The following MYLK variants were observed in gnomAD, a reference collection of about 807,000 sequenced individuals.
MYLK encodes myosin light chain kinase.
In MYLK, 106 loss-of-function variants were observed where a neutral mutation model predicts 203.4. That is an observed-to-expected ratio of 0.52 (90% CI 0.45 to 0.61). The LOEUF (loss-of-function observed/expected upper bound fraction) is 0.61. Ranked by LOEUF, MYLK falls within the 20% of genes least tolerant of loss-of-function variation. The probability of loss-of-function intolerance (pLI) is 0.00; values close to 1 mark genes in which losing one functional copy is unlikely to be tolerated. For missense variants in MYLK, 2,072 were observed against 2,442.3 expected, an observed-to-expected ratio of 0.85 and a Z score of 3.20; for synonymous variants, 867 against 959.5, an observed-to-expected ratio of 0.90 and a Z score of 1.78.
At chr3:123,786,438 T>C (rs909615377) in intron 4 of MYLK, among the ~76,000 whole-genome samples, 2 of 144,466 alleles carry the variant, frequency 1.4e-5, no homozygotes, top group Non-Finnish European at 3.0e-5. Context: ...TGTGCTAGTG[T>C]GAAAACAAAA....
At chr3:123,680,833 T>G (rs566448216) in intron 20 of MYLK, among the ~76,000 whole-genome samples, 8 of 152,354 alleles carry the variant, frequency 5.3e-5, no homozygotes, top group African/African-American at 1.9e-4. Context: ...TTGTTTTTTG[T>G]TTGTTTGTTT....
At chr3:123,735,022 C>A in intron 9 of MYLK, 1 of 347,462 alleles carries the variant, frequency 2.9e-6, no homozygotes. Context: ...TAGCGCCGAG[C>A]CTCACACACA....
At chr3:123,851,026 GT>G (rs1185960574) in intron 2 of MYLK, among the ~76,000 whole-genome samples, 2 of 152,114 alleles carry the variant, frequency 1.3e-5, no homozygotes, top group East Asian at 3.9e-4. Context: ...TCTGGTTTTT[GT>G]CAGTTTTGAC....
chr3:123,709,004 T>TA, intron 14 of MYLK, 109 bp from the exon 15 acceptor site: 1 of 892,852 alleles, frequency 1.1e-6, no homozygotes, highest in Non-Finnish European at 1.8e-6. Flanking sequence ...AACAACTCTC[T>TA]ATGCTTTCAC....
At chr3:123,793,542 G>A (rs924842562) in intron 4 of MYLK, 135 bp downstream of exon 4, 109 of 939,564 alleles carry the variant, frequency 1.2e-4, no homozygotes, top group Non-Finnish European at 1.5e-4. Flanking sequence ...AGTGGCACAG[G>A]TTCGTTTTAC....
chr3:123,764,798 C>T (rs74935071), intron 4 of MYLK, among the ~76,000 whole-genome samples: 3,315 of 152,318 alleles, frequency 0.022, 49 homozygotes, highest in Non-Finnish European at 0.034. Context: ...TTTTCAGCTT[C>T]ACTTCGCAAC....
chr3:123,631,567 A>G (rs543627186), intron 29 of MYLK, among the ~76,000 whole-genome samples: 2 of 152,188 alleles, frequency 1.3e-5, no homozygotes, highest in Non-Finnish European at 2.9e-5. Context: ...AACAAACCCC[A>G]CTTGAAATAT....
intron 7 of MYLK, among the ~76,000 whole-genome samples, chr3:123,738,445 G>A (rs2062752268): frequency 6.6e-6 from 1 of 152,118 alleles, no homozygotes; most frequent in Non-Finnish European, 1.5e-5. Flanking sequence ...GAACAGAATG[G>A]AAAGACTCCT....
intron 12 of MYLK, among the ~76,000 whole-genome samples, chr3:123,724,286 A>G (rs1370406480): frequency 6.6e-6 from 1 of 151,662 alleles, no homozygotes; most frequent in Non-Finnish European, 1.5e-5. Flanking sequence ...CCAGCCTCCT[A>G]TGGCTGCTTT....
intron 2 of MYLK, among the ~76,000 whole-genome samples, chr3:123,869,973 T>A (rs1329490330): frequency 6.6e-6 from 1 of 151,770 alleles, no homozygotes; most frequent in Non-Finnish European, 1.5e-5. Context: ...CTCTATCTAG[T>A]CCACACTCCA....
intron 20 of MYLK, among the ~76,000 whole-genome samples, chr3:123,672,888 C>G (rs114146823): frequency 6.6e-6 from 1 of 152,150 alleles, no homozygotes; most frequent in African/African-American, 2.4e-5. Context: ...GGTTCTAAAA[C>G]CCGGTTTCTC....
intron 20 of MYLK, among the ~76,000 whole-genome samples, chr3:123,667,741 T>C (rs961578046): frequency 3.3e-5 from 5 of 152,158 alleles, no homozygotes; most frequent in Non-Finnish European, 7.3e-5. Flanking sequence ...AAGCCTCCAA[T>C]GAGATTAAAA....
intron 13 of MYLK, among the ~76,000 whole-genome samples, chr3:123,716,988 T>C (rs2061919054): frequency 1.3e-5 from 2 of 152,236 alleles, no homozygotes; most frequent in African/African-American, 2.4e-5. Context: ...ATGTAATTAA[T>C]TGCTTGCCTT....
At chr3:123,665,823 T>C (rs111859996) in intron 22 of MYLK, among the ~76,000 whole-genome samples, 10 of 152,334 alleles carry the variant, frequency 6.6e-5, no homozygotes, top group African/African-American at 1.4e-4. Context: ...TAAGTGGTTA[T>C]AACAGACAGG....
At chr3:123,722,007 A>T in intron 13 of MYLK, 121 bp downstream of exon 13, 3 of 1,306,696 alleles carry the variant, frequency 2.3e-6, no homozygotes, top group Non-Finnish European at 3.2e-6. Flanking sequence ...GAGTAGTGCC[A>T]TGTGCACCTC....
intron 12 of MYLK, among the ~76,000 whole-genome samples, chr3:123,722,931 C>G (rs1265169105): frequency 2.6e-5 from 4 of 151,130 alleles, no homozygotes; most frequent in Non-Finnish European, 5.9e-5. Context: ...TTTCCAGAGT[C>G]CCTTACATGT....
At chr3:123,685,628 A>G (rs1250440144) in intron 19 of MYLK, among the ~76,000 whole-genome samples, 3 of 151,802 alleles carry the variant, frequency 2.0e-5, no homozygotes, top group African/African-American at 4.8e-5. Flanking sequence ...AAAAAAAAAA[A>G]AAAGAAAATG....
At position 123,657,504 on chromosome 3, in the gene MYLK, C is replaced by G. The variant is rs902453162; in HGVS notation, c.3986-76G>C. ...AAGGAAGTTTTTGAATTACCTGTGTCATGGGGGGAAGGCAGCCTAGAGAAC... is the reference window on the plus strand; with the variant it reads ...AAGGAAGTTTTTGAATTACCTGTGTGATGGGGGGAAGGCAGCCTAGAGAAC... On this transcript the variant is annotated intron_variant, in intron 23 of 33. Coordinates refer to ENST00000360304, the MANE Select transcript of MYLK (RefSeq NM_053025.4). 9 of 1,485,270 alleles carry G rather than the reference C, an allele frequency of 6.1e-6. No homozygotes were observed. The African/African-American group carries it at 1.2e-4, about 21-fold the overall frequency. The allele number at this position is 1,485,270 out of a possible 1,614,324, so 92.0% of individuals were successfully genotyped here. A position where few individuals can be genotyped will look rare whatever the true frequency, so the allele number is the denominator to read the frequency against.
chr3:123,845,433 A>G (rs2066691230), intron 2 of MYLK, among the ~76,000 whole-genome samples: 1 of 152,182 alleles, frequency 6.6e-6, no homozygotes, highest in Non-Finnish European at 1.5e-5. Context: ...TCAGGGACAG[A>G]GTTCAAAGTT....
Sources: allele counts gnomAD v4.1 joint callset (sites outside exome capture counted in the v4.1 genomes callset), GRCh38; gene constraint gnomAD v4.1.1; transcripts MANE v1.5; gene names NCBI Gene and HGNC (gene_info 2026-07-23, HGNC 2026-07-21).